SLC24A2: variants seen among roughly 807,000 people sequenced by gnomAD.
SLC24A2 encodes sodium/potassium/calcium exchanger 2.
Under a neutral mutation model 62.0 loss-of-function variants are expected in SLC24A2, and 36 were observed. That is an observed-to-expected ratio of 0.58 (90% CI 0.44 to 0.77). The LOEUF (loss-of-function observed/expected upper bound fraction) is 0.77, where lower values mean the gene tolerates loss of function less well. Ranked by LOEUF, SLC24A2 falls within the 30% of genes least tolerant of loss-of-function variation. The pLI, the probability that SLC24A2 is intolerant of heterozygous loss-of-function variation, is 0.00. For missense variants in SLC24A2, 846 were observed against 817.9 expected (o/e 1.03, Z -0.42); for synonymous variants, 358 against 294.0 (o/e 1.22, Z -2.23).
At chr9:19,948,101 T>A in the SLC24A2 span, among the ~76,000 whole-genome samples, 4 of 152,180 alleles carry the variant, frequency 2.6e-5, no homozygotes, top group Non-Finnish European at 4.4e-5. Flanking sequence ...AAATCCAAGT[T>A]CCAGAAGTGG....
the SLC24A2 span, among the ~76,000 whole-genome samples, chr9:20,026,275 A>G: frequency 3.3e-5 from 5 of 152,322 alleles, no homozygotes; most frequent in South Asian, 1.0e-3. Context: ...AAAGTCATTC[A>G]AATTTATCTT....
intron 4 of SLC24A2, among the ~76,000 whole-genome samples, chr9:19,598,500 T>G (rs1406491397): frequency 6.6e-6 from 1 of 152,160 alleles, no homozygotes; most frequent in Non-Finnish European, 1.5e-5. Flanking sequence ...AGCACAAAAT[T>G]ATATCTTGGG....
At chr9:19,586,507 T>C (rs962032684) in intron 5 of SLC24A2, among the ~76,000 whole-genome samples, 25 of 148,224 alleles carry the variant, frequency 1.7e-4, no homozygotes, top group Admixed American at 1.7e-3. Context: ...CTTGCCAGAC[T>C]TTCTGCTTGA....
At chr9:20,134,865 T>C in the SLC24A2 span, among the ~76,000 whole-genome samples, 1 of 152,210 alleles carries the variant, frequency 6.6e-6, no homozygotes, top group Non-Finnish European at 1.5e-5. Context: ...AGATATCAAC[T>C]TCTTCTCCAG....
chr9:19,689,200 C>A (rs116156471), intron 2 of SLC24A2, among the ~76,000 whole-genome samples: 289 of 152,224 alleles, frequency 1.9e-3, no homozygotes, highest in African/African-American at 6.7e-3. Context: ...AATGGTACAG[C>A]TTTCTTGGCT....
chr9:20,285,888 G>A, the SLC24A2 span, among the ~76,000 whole-genome samples: 1 of 152,166 alleles, frequency 6.6e-6, no homozygotes, highest in African/African-American at 2.4e-5. Flanking sequence ...GTGGCCATCA[G>A]CAAGCCAAGG....
intron 2 of SLC24A2, among the ~76,000 whole-genome samples, chr9:19,678,157 G>A (rs1819613550): frequency 6.6e-6 from 1 of 152,214 alleles, no homozygotes; most frequent in African/African-American, 2.4e-5. Flanking sequence ...ATGAGAAGAT[G>A]TGGGTGGCAA....
chr9:19,565,065 T>C (rs4977562), intron 7 of SLC24A2, among the ~76,000 whole-genome samples: 131,820 of 152,084 alleles, frequency 0.87, 57,737 homozygotes, highest in East Asian at 1. Flanking sequence ...GACAGGGATG[T>C]CTTCTCTCAC....
At chr9:19,879,993 A>G in the SLC24A2 span, among the ~76,000 whole-genome samples, 2 of 152,188 alleles carry the variant, frequency 1.3e-5, no homozygotes, top group African/African-American at 4.8e-5. Context: ...AGACTAAAAC[A>G]TGAAGAAGTA....
rs553251755 is a variant in SLC24A2 at position 19,549,258 on chromosome 9, T to C, written c.1479+879A>G. Among the ~76,000 whole-genome samples the C allele has an allele frequency of 2.0e-5, 3 of 152,358 alleles. No homozygotes were observed. The East Asian group carries it at 5.8e-4, about 29-fold the overall frequency. On this transcript the variant is annotated intron_variant, in intron 8 of 10. Coordinates refer to ENST00000341998, the MANE Select transcript of SLC24A2 (RefSeq NM_020344.4). ...CAGACCTTCAGTTGCCCTTCTTACC[T>C]TCTCAGAGACAAACGCTGTGGGGGT... is the stretch of plus-strand genomic sequence containing the variant.
intron 7 of SLC24A2, among the ~76,000 whole-genome samples, chr9:19,559,637 C>G (rs1484837341): frequency 6.6e-6 from 1 of 152,098 alleles, no homozygotes; most frequent in African/African-American, 2.4e-5. Context: ...GCTCTGAAAT[C>G]AACAACTATT....
chr9:20,272,793 G>A, the SLC24A2 span, among the ~76,000 whole-genome samples: 4 of 152,280 alleles, frequency 2.6e-5, no homozygotes, highest in South Asian at 4.2e-4. Context: ...CAGCAAAAAA[G>A]AGGTTTATTA....
chr9:19,795,048 T>C, the SLC24A2 span, among the ~76,000 whole-genome samples: 3 of 152,200 alleles, frequency 2.0e-5, no homozygotes, highest in Non-Finnish European at 4.4e-5. Flanking sequence ...CTGCTGTGTC[T>C]ATGGTTTCTG....
the SLC24A2 span, among the ~76,000 whole-genome samples, chr9:20,141,014 TCTC>T: frequency 6.6e-6 from 1 of 152,052 alleles, no homozygotes; most frequent in Non-Finnish European, 1.5e-5. Context: ...TCATCTCTCC[TCTC>T]CTCCTCAGAA....
At chr9:19,564,131 T>G (rs561265632) in intron 7 of SLC24A2, among the ~76,000 whole-genome samples, 3 of 152,112 alleles carry the variant, frequency 2.0e-5, no homozygotes, top group Admixed American at 2.0e-4. Context: ...TGGGATTGAT[T>G]ACAGGTGTGA....
chr9:19,524,387 A>C (rs10738539), intron 9 of SLC24A2, among the ~76,000 whole-genome samples: 103,046 of 144,796 alleles, frequency 0.71, 37,155 homozygotes, highest in East Asian at 0.93. Flanking sequence ...AAACAATAAG[A>C]AACAAGAACA....
At chr9:19,935,567 G>A in the SLC24A2 span, among the ~76,000 whole-genome samples, 260 of 152,358 alleles carry the variant, frequency 1.7e-3, no homozygotes, top group African/African-American at 5.9e-3. Context: ...GGTGCAAGCT[G>A]AGTGGCTGCC....
chr9:19,611,365 C>T lies in SLC24A2; in HGVS notation c.1078+8219G>A, dbSNP rs116791047. Among the ~76,000 whole-genome samples, 1,290 of 140,310 alleles carry T rather than the reference C, an allele frequency of 9.2e-3. 20 individuals carry two copies. The highest frequency in any genetic ancestry group is 0.032 in the African/African-American group (1,205 of 37,472). 92.0% of individuals were successfully genotyped at this position (140,310 alleles called of 152,430 possible). A position where few individuals can be genotyped will look rare whatever the true frequency, so the allele number is the denominator to read the frequency against. ...GGGAGGAAGGGAGGAAGGTGAGAGA[C>T]GGGCAGAGAGAGATGAGGGAGAGGA... On this transcript the variant is annotated intron_variant, in intron 4 of 10. Transcript: ENST00000341998.
chr9:20,065,031 G>C, the SLC24A2 span, among the ~76,000 whole-genome samples: 1 of 152,196 alleles, frequency 6.6e-6, no homozygotes, highest in African/African-American at 2.4e-5. Context: ...TGTGATTCCA[G>C]AACTGGTATC....
Sources: allele counts gnomAD v4.1 joint callset (sites outside exome capture counted in the v4.1 genomes callset), GRCh38; gene constraint gnomAD v4.1.1; transcripts MANE v1.5; gene names NCBI Gene and HGNC (gene_info 2026-07-23, HGNC 2026-07-21).